The following CDH13 variants were observed in gnomAD, a reference collection of about 807,000 sequenced individuals.
CDH13 encodes cadherin 13, also known as cadherin-13.
CDH13 carries 24 observed loss-of-function variants against 63.8 expected under a neutral mutation model. That is an observed-to-expected ratio of 0.38 (90% CI 0.27 to 0.53). The LOEUF (loss-of-function observed/expected upper bound fraction) is 0.53, where lower values mean the gene tolerates loss of function less well. Among genes scored for constraint, CDH13 ranks in the 20% least tolerant of loss-of-function variants. The pLI is 0.85. For synonymous variants in CDH13, 503 were observed against 355.3 expected (o/e 1.42, Z -4.67); for missense variants, 1,049 against 903.1 (o/e 1.16, Z -2.07).
At chr16:83,785,795 C>A (rs990941412) in intron 13 of CDH13, among the ~76,000 whole-genome samples, 3 of 152,138 alleles carry the variant, frequency 2.0e-5, no homozygotes, top group African/African-American at 4.8e-5. Flanking sequence ...GCTGGAAGGG[C>A]AGCTTAGACA....
intron 13 of CDH13, among the ~76,000 whole-genome samples, chr16:83,792,651 C>G (rs1916351840): frequency 1.3e-5 from 2 of 152,148 alleles, no homozygotes; most frequent in Admixed American, 6.5e-5. Context: ...TTATCCAACC[C>G]CAAATGTCAG....
chr16:83,630,344 C>G (rs916668840), intron 8 of CDH13, among the ~76,000 whole-genome samples: 6 of 152,072 alleles, frequency 3.9e-5, no homozygotes, highest in Non-Finnish European at 5.9e-5. Flanking sequence ...AAGGACATAC[C>G]CATAACGCAG....
rs749237040 is a variant in CDH13, at chr16:83,602,503, C to G, written c.1010C>G (p.Ala337Gly). 5 of 1,613,804 alleles carry G rather than the reference C, an allele frequency of 3.1e-6. No homozygotes were observed. Among genetic ancestry groups the G allele is most frequent in the Non-Finnish European group, 4.2e-6 (5 of 1,179,724 alleles). ...YELIIEAQDM[A>G]GLDVGLTGTA... ...CTGATCATCGAGGCTCAAGATATGG[C>G]TGGACTGGATGTTGGATTAACAGGC... is the stretch of plus-strand genomic sequence containing the variant. The change falls in exon 8 of 14, where the codon GCT becomes GGT. Residue 337 changes from alanine (A) to glycine (G), a missense_variant. Transcript: ENST00000567109.
intron 2 of CDH13, among the ~76,000 whole-genome samples, chr16:82,966,570 C>A (rs148055107): frequency 6.6e-6 from 1 of 152,126 alleles, no homozygotes; most frequent in East Asian, 1.9e-4. Context: ...GATTCTAGAG[C>A]CTTTGTTCTG....
At chr16:83,595,801 C>A (rs1358547756) in intron 7 of CDH13, among the ~76,000 whole-genome samples, 4 of 150,238 alleles carry the variant, frequency 2.7e-5, no homozygotes, top group African/African-American at 7.2e-5. Flanking sequence ...GAAATAGGAT[C>A]CAGTGAACAT....
At chr16:83,760,164 A>AG (rs1913848697) in intron 11 of CDH13, among the ~76,000 whole-genome samples, 2 of 152,240 alleles carry the variant, frequency 1.3e-5, no homozygotes, top group African/African-American at 2.4e-5. Flanking sequence ...AGTGCAGTAC[A>AG]GCAGCATACC....
intron 7 of CDH13, among the ~76,000 whole-genome samples, chr16:83,531,547 A>G (rs1039899771): frequency 1.3e-5 from 2 of 152,280 alleles, no homozygotes; most frequent in African/African-American, 4.8e-5. Context: ...CATGCCTTTC[A>G]CTTTCCACCA....
chr16:82,943,969 T>C (rs987827919), intron 2 of CDH13, among the ~76,000 whole-genome samples: 3 of 152,224 alleles, frequency 2.0e-5, no homozygotes, highest in Non-Finnish European at 4.4e-5. Flanking sequence ...CCTTGGCATC[T>C]TATTCAGGTC....
intron 7 of CDH13, among the ~76,000 whole-genome samples, chr16:83,495,610 C>G (rs979276955): frequency 5.3e-5 from 8 of 152,104 alleles, no homozygotes; most frequent in African/African-American, 1.2e-4. Flanking sequence ...CTTTGCAGGA[C>G]TATTTCAAGA....
intron 6 of CDH13, among the ~76,000 whole-genome samples, chr16:83,440,133 G>C (rs936736737): frequency 6.6e-6 from 1 of 152,174 alleles, no homozygotes; most frequent in African/African-American, 2.4e-5. Context: ...TGGCTTGTTG[G>C]GGATGGAGAA....
intron 1 of CDH13, among the ~76,000 whole-genome samples, chr16:82,719,646 G>C (rs899693926): frequency 6.6e-6 from 1 of 152,112 alleles, no homozygotes; most frequent in African/African-American, 2.4e-5. Context: ...AGGAGTTTGA[G>C]ACCAGCCTGG....
chr16:83,684,263 AG>A (rs1313197197), intron 10 of CDH13, among the ~76,000 whole-genome samples: 3 of 152,138 alleles, frequency 2.0e-5, no homozygotes, highest in African/African-American at 7.2e-5. Context: ...GGTACTTGGG[AG>A]GCTGAGGCAG....
At chr16:83,191,907 C>G (rs566605495) in intron 4 of CDH13, among the ~76,000 whole-genome samples, 9 of 151,922 alleles carry the variant, frequency 5.9e-5, no homozygotes, top group Non-Finnish European at 1.2e-4. Context: ...ACAGACACAC[C>G]CAGGATCAAT....
intron 2 of CDH13, among the ~76,000 whole-genome samples, chr16:83,006,416 A>G (rs149617874): frequency 6.6e-6 from 1 of 152,330 alleles, no homozygotes; most frequent in East Asian, 1.9e-4. Context: ...TTCCCCCAGA[A>G]TAGCTCCTCT....
chr16:82,753,458 C>G (rs954945412), intron 1 of CDH13, among the ~76,000 whole-genome samples: 2 of 152,154 alleles, frequency 1.3e-5, no homozygotes, highest in Non-Finnish European at 2.9e-5. Context: ...ACTCCTAAAT[C>G]TAAGAAATGG....
At chr16:82,970,732 C>T (rs896002697) in intron 2 of CDH13, among the ~76,000 whole-genome samples, 1 of 152,122 alleles carries the variant, frequency 6.6e-6, no homozygotes, top group Non-Finnish European at 1.5e-5. Flanking sequence ...GCTCCTTGAT[C>T]TGCATAATAG....
chr16:83,793,960 T>G (rs1159515990), intron 13 of CDH13, among the ~76,000 whole-genome samples: 1 of 152,022 alleles, frequency 6.6e-6, no homozygotes, highest in East Asian at 1.9e-4. Context: ...ACAGACCATG[T>G]GATGACAGAA....
chr16:83,223,053 T>C (rs537558837), intron 5 of CDH13, among the ~76,000 whole-genome samples: 9 of 110,482 alleles, frequency 8.1e-5, no homozygotes, highest in African/African-American at 2.7e-4. Flanking sequence ...TATTGCCAGT[T>C]GTCCTATAAG....
At chr16:82,820,268 C>A (rs2037940893) in intron 1 of CDH13, among the ~76,000 whole-genome samples, 1 of 152,166 alleles carries the variant, frequency 6.6e-6, no homozygotes, top group South Asian at 2.1e-4. Flanking sequence ...GACTGGCACA[C>A]AATGGGTACT....
Sources: allele counts gnomAD v4.1 joint callset (sites outside exome capture counted in the v4.1 genomes callset), GRCh38; gene constraint gnomAD v4.1.1; transcripts MANE v1.5; gene names NCBI Gene and HGNC (gene_info 2026-07-23, HGNC 2026-07-21).